Variants in SCFD2 observed in about 807,000 individuals in gnomAD.
SCFD2 encodes sec1 family domain containing 2.
SCFD2 carries 54 observed loss-of-function variants against 58.9 expected under a neutral mutation model. The ratio of observed to expected loss-of-function variants is 0.92; its 90% CI spans 0.74 to 1.15. The LOEUF (loss-of-function observed/expected upper bound fraction) is 1.15, where lower values mean the gene tolerates loss of function less well. Ranked by LOEUF, SCFD2 falls within the 50% of genes most tolerant of loss-of-function variation. The pLI, the probability that SCFD2 is intolerant of heterozygous loss-of-function variation, is 0.00. For missense variants in SCFD2, 805 were observed against 836.6 expected (o/e 0.96, Z 0.47); for synonymous variants, 321 against 335.9 (o/e 0.96, Z 0.49).
chr4:52,879,522 T>C (rs1346366965), intron 8 of SCFD2, among the ~76,000 whole-genome samples: 45 of 152,218 alleles, frequency 3.0e-4, no homozygotes, highest in Admixed American at 1.8e-3. Flanking sequence ...TAACTTGACA[T>C]CAAAAAAATA....
intron 6 of SCFD2, among the ~76,000 whole-genome samples, chr4:52,909,397 G>A (rs1260351392): frequency 6.6e-6 from 1 of 152,206 alleles, no homozygotes; most frequent in African/African-American, 2.4e-5. Flanking sequence ...ACAAGGTACA[G>A]AATAGTGTGT....
intron 3 of SCFD2, among the ~76,000 whole-genome samples, chr4:53,305,260 A>T (rs1732477140): frequency 6.6e-6 from 1 of 152,120 alleles, no homozygotes; most frequent in South Asian, 2.1e-4. Flanking sequence ...GTTCTCTTCT[A>T]AGAGTGTTAT....
chr4:53,128,945 C>T (rs1725709808), intron 5 of SCFD2, among the ~76,000 whole-genome samples: 1 of 152,116 alleles, frequency 6.6e-6, no homozygotes. Flanking sequence ...AAAGAACCCC[C>T]AAATTGTACA....
intron 8 of SCFD2, among the ~76,000 whole-genome samples, chr4:52,880,182 C>A (rs773880679): frequency 6.6e-6 from 1 of 152,130 alleles, no homozygotes; most frequent in Non-Finnish European, 1.5e-5. Context: ...CAGATCTTTT[C>A]GCTGTTGTCT....
At chr4:53,201,993 G>T (rs1196896515) in intron 4 of SCFD2, among the ~76,000 whole-genome samples, 2 of 152,130 alleles carry the variant, frequency 1.3e-5, no homozygotes, top group African/African-American at 4.8e-5. Context: ...CACTCTGATG[G>T]TAGTTTCTTC....
chr4:53,253,716 A>C (rs571082118), intron 4 of SCFD2, among the ~76,000 whole-genome samples: 27 of 127,594 alleles, frequency 2.1e-4, no homozygotes, highest in Non-Finnish European at 2.5e-4. Context: ...CAGAAGGGGA[A>C]CATCACATGC....
rs534770581 is a variant in SCFD2 at position 53,274,014 on chromosome 4, G to A, written c.1136-13C>T. ...GGTGTGACTCTCCCTGGAAACATAA[G>A]AATTTATCAGTGTACCCCCTTCTGG... On this transcript the variant is annotated splice_polypyrimidine_tract_variant and intron_variant, in intron 3 of 8. Coordinates refer to ENST00000401642, the MANE Select transcript of SCFD2 (RefSeq NM_152540.4). The A allele has an allele frequency of 6.2e-7, 1 of 1,601,816 alleles. No homozygotes were observed. Among genetic ancestry groups the A allele is most frequent in the South Asian group, 1.1e-5 (1 of 88,420 alleles).
intron 4 of SCFD2, among the ~76,000 whole-genome samples, chr4:53,254,939 C>G (rs888682747): frequency 6.7e-6 from 1 of 149,974 alleles, no homozygotes; most frequent in Non-Finnish European, 1.5e-5. Flanking sequence ...GTGGCGCAAT[C>G]TTGGCTCACT....
At chr4:53,097,302 G>T (rs1462141856) in intron 5 of SCFD2, among the ~76,000 whole-genome samples, 1 of 152,138 alleles carries the variant, frequency 6.6e-6, no homozygotes, top group Non-Finnish European at 1.5e-5. Flanking sequence ...AAATTACCTT[G>T]GGCAGTATGG....
intron 4 of SCFD2, among the ~76,000 whole-genome samples, chr4:53,165,433 C>T: frequency 6.6e-6 from 1 of 152,170 alleles, no homozygotes; most frequent in East Asian, 1.9e-4. Context: ...TTTTATAGAT[C>T]ATGGAGCTGT....
chr4:53,313,718 C>A lies in SCFD2; in HGVS notation c.1053G>T (p.Lys351Asn). 1.2e-6 allele frequency: 2 copies of A among 1,614,062 alleles called. No individual in the cohort carries two copies. The highest frequency in any genetic ancestry group is 1.7e-6 in the Non-Finnish European group (2 of 1,179,940). The change falls in exon 3 of 9, where the codon AAG becomes AAT. Residue 351 changes from lysine to asparagine, a missense_variant. Lys to Asn is a moderately conservative substitution (Grantham distance 94, BLOSUM62 0). Transcript: ENST00000401642. ...GAACTTCCATCACTGCCTCTTTGTG[C>A]TTAGTGTTCAGTAAAGCTTCCCATA... ...KALWEALLNT[K>N]HKEAVMEVRR...
In SCFD2 at chr4:53,284,729, AT is replaced by A. The variant is rs1288566082; in HGVS notation, c.1136-10729del. Among the ~76,000 whole-genome samples the A allele has an allele frequency of 3.9e-5, 6 of 152,350 alleles. No individual in the cohort carries two copies. In the South Asian group the frequency reaches 8.3e-4, roughly 21 times the overall value. Reference sequence around the variant, plus strand: ...TATTTAAGTCAGCCATAAGAAAAAAATATCCTGCTCATAAAGACTATTAGAT... The same window carrying A: ...TATTTAAGTCAGCCATAAGAAAAAAAATCCTGCTCATAAAGACTATTAGAT... On this transcript the variant is annotated intron_variant, in intron 3 of 8. Transcript: ENST00000401642.
At chr4:52,936,228 T>A (rs752810656) in intron 5 of SCFD2, among the ~76,000 whole-genome samples, 1 of 152,150 alleles carries the variant, frequency 6.6e-6, no homozygotes, top group Non-Finnish European at 1.5e-5. Context: ...AATTTATTGC[T>A]GGGTACCTGG....
At chr4:53,288,595 A>C (rs548825366) in intron 3 of SCFD2, among the ~76,000 whole-genome samples, 1 of 152,312 alleles carries the variant, frequency 6.6e-6, no homozygotes, top group East Asian at 1.9e-4. Flanking sequence ...AAAGTGCTGA[A>C]AGGAAAAATA....
chr4:53,139,977 T>C (rs1726078249), intron 5 of SCFD2, among the ~76,000 whole-genome samples: 1 of 152,106 alleles, frequency 6.6e-6, no homozygotes, highest in Non-Finnish European at 1.5e-5. Flanking sequence ...CGGTGCAAGA[T>C]GTGCTTTGTT....
intron 5 of SCFD2, among the ~76,000 whole-genome samples, chr4:52,967,076 C>A (rs982361370): frequency 2.6e-5 from 4 of 152,214 alleles, no homozygotes; most frequent in Non-Finnish European, 5.9e-5. Flanking sequence ...ACTGGAGATG[C>A]TTCATATAAG....
chr4:53,239,429 GGAGGGA>G lies in SCFD2; in HGVS notation c.1311+34391_1311+34396del, dbSNP rs574905633. 1.4e-3 allele frequency among the ~76,000 whole-genome samples: 196 copies of G among 142,378 alleles called. 2 individuals are homozygous for G. The South Asian group carries it at 0.016, about 12-fold the overall frequency. The allele number at this position is 142,378 out of a possible 152,430, so 93.4% of individuals were successfully genotyped here. ...GAGAGGGAGAGGGAGAGGAGGGAGAGGAGGGAGAGGGAGAGGGAGAGGGAGAGGGAG... is the reference window on the plus strand; with the variant it reads ...GAGAGGGAGAGGGAGAGGAGGGAGAGGAGGGAGAGGGAGAGGGAGAGGGAG... On this transcript the variant is annotated intron_variant, in intron 4 of 8. Coordinates refer to ENST00000401642, the MANE Select transcript of SCFD2 (RefSeq NM_152540.4).
intron 4 of SCFD2, among the ~76,000 whole-genome samples, chr4:53,178,523 G>C (rs912585941): frequency 3.9e-5 from 6 of 151,970 alleles, no homozygotes; most frequent in African/African-American, 1.5e-4. Flanking sequence ...AAAGGCCAAA[G>C]GTAGATAAAA....
chr4:53,336,094 C>T (rs1229501912), intron 2 of SCFD2, among the ~76,000 whole-genome samples: 1 of 152,156 alleles, frequency 6.6e-6, no homozygotes, highest in Non-Finnish European at 1.5e-5. Flanking sequence ...CTTAGAGACT[C>T]TTACATTGTA....
Sources: allele counts gnomAD v4.1 joint callset (sites outside exome capture counted in the v4.1 genomes callset), GRCh38; gene constraint gnomAD v4.1.1; transcripts MANE v1.5; gene names NCBI Gene and HGNC (gene_info 2026-07-23, HGNC 2026-07-21).